The following GFPT2 variants were observed in gnomAD, a reference collection of about 807,000 sequenced individuals.
The protein encoded by GFPT2 is glutamine--fructose-6-phosphate aminotransferase [isomerizing] 2.
In GFPT2, 62 loss-of-function variants were observed where a neutral mutation model predicts 85.6. The ratio of observed to expected loss-of-function variants is 0.72; its 90% confidence interval spans 0.59 to 0.90. The LOEUF is 0.90. Ranked by LOEUF, GFPT2 falls within the 40% of genes least tolerant of loss-of-function variation. The pLI, the probability that GFPT2 is intolerant of heterozygous loss-of-function variation, is 0.00. For synonymous variants in GFPT2, 368 were observed against 344.5 expected (o/e 1.07, Z -0.75); for missense variants, 788 against 893.4 (o/e 0.88, Z 1.50).
In GFPT2 at chr5:180,328,573, C is replaced by T. The variant is rs916618381; in HGVS notation, c.535-235G>A. Among the ~76,000 whole-genome samples, 9 of 152,344 alleles carry T rather than the reference C, an allele frequency of 5.9e-5. No homozygotes were observed. The highest frequency in any genetic ancestry group is 1.9e-4 in the African/African-American group (8 of 41,578). On this transcript the variant is annotated intron_variant, in intron 6 of 18. Transcript: ENST00000253778. This position sits in a 1 kb window ranked among gnomAD's most constrained non-coding sequence, Gnocchi z 5.4. ...TGTGAATTCCACGGTGAGCGATGTG[C>T]GGCTTGCCCAGGCCCACAGGGAGCC...
intron 10 of GFPT2, among the ~76,000 whole-genome samples, chr5:180,317,551 A>G (rs1436004317): frequency 6.9e-6 from 1 of 145,286 alleles, no homozygotes; most frequent in East Asian, 1.9e-4. Flanking sequence ...CGAAGTCAGG[A>G]GATCGAGACC....
At chr5:180,312,246 G>A (rs1340905799) in intron 15 of GFPT2, among the ~76,000 whole-genome samples, 184 bp downstream of exon 15, 1 of 151,628 alleles carries the variant, frequency 6.6e-6, no homozygotes, top group Non-Finnish European at 1.5e-5. Flanking sequence ...AGCGCAGGGG[G>A]AGGTGGGGGC....
At chr5:180,316,282 G>A in intron 13 of GFPT2, 59 bp downstream of exon 13, 1 of 1,577,548 alleles carries the variant, frequency 6.3e-7, no homozygotes, top group Non-Finnish European at 8.7e-7. Flanking sequence ...TGAAGGAGAA[G>A]AGGAGAGAGC....
At chr5:180,305,516 T>C (rs1327268861) in intron 16 of GFPT2, among the ~76,000 whole-genome samples, 1 of 152,158 alleles carries the variant, frequency 6.6e-6, no homozygotes, top group Non-Finnish European at 1.5e-5. Context: ...AAATCATCTC[T>C]CGACTCCCCG....
chr5:180,313,860 C>T lies in GFPT2; in HGVS notation c.1378G>A (p.Asp460Asn), dbSNP rs745566290. Residue 460 changes from aspartate to asparagine, a missense_variant, in exon 14 of 19, where the codon GAC becomes AAC. Coordinates refer to ENST00000253778, the MANE Select transcript of GFPT2 (RefSeq NM_005110.4). ...CCTGCGTTGATGTGGACGCCGCAGT[C>T]GGTCTCGCGAGAGATGGAGCTGCCC... ...TVGSSISRET[D>N]CGVHINAGPE... 1.2e-6 allele frequency: 2 copies of T among 1,601,772 alleles called. No individual in the cohort carries two copies. Among genetic ancestry groups the T allele is most frequent in the East Asian group, 2.2e-5 (1 of 44,646 alleles).
At position 180,330,784 on chromosome 5, in the gene GFPT2, G is replaced by A; in HGVS notation, c.450C>T (p.Ala150=). The change falls in exon 6 of 19, where the codon GCC becomes GCT. Residue 150 remains alanine, a synonymous_variant. Coordinates refer to ENST00000253778, the MANE Select transcript of GFPT2 (RefSeq NM_005110.4). The surrounding 1 kb of genome is among the most constrained non-coding windows in gnomAD (Gnocchi z 4.4). ...FESETDTETI[A]KLIKYVFDNR... is the part of the protein sequence containing the mutation. ...TGTCGAACACATATTTAATCAGCTT[G>A]GCGATGGTCTCTGTATCTGTTTCTG... 1.2e-6 allele frequency: 2 copies of A among 1,612,698 alleles called. No individual in the cohort carries two copies. Among genetic ancestry groups the A allele is most frequent in the Non-Finnish European group, 1.7e-6 (2 of 1,178,714 alleles).
intron 5 of GFPT2, chr5:180,331,287 A>C (rs1764295213): frequency 1.7e-6 from 1 of 575,278 alleles, no homozygotes; most frequent in African/African-American, 1.9e-5. Context: ...CCCTTGAGAT[A>C]AACACTAATG....
intron 1 of GFPT2, 191 bp downstream of exon 1, chr5:180,353,020 G>T: frequency 2.5e-6 from 1 of 406,742 alleles, no homozygotes; most frequent in Non-Finnish European, 4.2e-6. Context: ...CCTCCGAGAC[G>T]GCCACTCGGG....
chr5:180,312,078 A>G (rs1391307864), intron 15 of GFPT2, among the ~76,000 whole-genome samples: 71 of 26,130 alleles, frequency 2.7e-3, no homozygotes, highest in East Asian at 3.3e-3. Context: ...GGGGAGGCTG[A>G]GGACCAGGGA....
chr5:180,332,070 G>A (rs1764312468), intron 4 of GFPT2, among the ~76,000 whole-genome samples: 1 of 152,126 alleles, frequency 6.6e-6, no homozygotes, highest in Non-Finnish European at 1.5e-5. Flanking sequence ...GGTTTCCTTG[G>A]GGGAAAAATC....
intron 1 of GFPT2, among the ~76,000 whole-genome samples, chr5:180,349,320 A>G (rs187299419): frequency 2.4e-3 from 360 of 152,240 alleles, no homozygotes; most frequent in Non-Finnish European, 4.0e-3. Flanking sequence ...AAATAAAAAT[A>G]AAATACCTAA....
chr5:180,307,087 G>T, intron 16 of GFPT2, 89 bp downstream of exon 16: 1 of 1,116,274 alleles, frequency 9.0e-7, no homozygotes, highest in Non-Finnish European at 1.3e-6. Context: ...CCCTCCCCAA[G>T]CCCAACGCCC....
Position 180,301,010 on chromosome 5 carries a change from G to A in GFPT2, c.*554C>T, listed in dbSNP as rs150315976. 6.5e-6 allele frequency: 1 copy of A among 153,754 alleles called. No homozygotes were observed. The allele number at this position is 153,754 out of a possible 1,614,324, so 9.5% of individuals were successfully genotyped here. On this transcript the variant is annotated 3_prime_UTR_variant, in exon 19 of 19. Transcript: ENST00000253778. Reference sequence around the variant, plus strand: ...CAGGAGGGGCTCCACGGATGTCAGAGAACAGGATTCAGGAGCAGCCTAGAG... The same window carrying A: ...CAGGAGGGGCTCCACGGATGTCAGAAAACAGGATTCAGGAGCAGCCTAGAG...
In GFPT2 at chr5:180,336,479, T is replaced by G; in HGVS notation, c.214A>C (p.Lys72Gln). Reference protein sequence around the residue: ...KVKALDEELYKQDSMDLKVEF... With the variant: ...KVKALDEELYQQDSMDLKVEF... ...TCCCACTCAGAGGTCCTCCACTTAC[T>G]GTAAAGTTCTTCATCGAGAGCCTTG... Residue 72 changes from lysine to glutamine, a missense_variant and splice_region_variant, in exon 3 of 19, where the codon AAA becomes CAA. Transcript: ENST00000253778. 6.4e-7 allele frequency: 1 copy of G among 1,560,224 alleles called. No homozygotes were observed. Among genetic ancestry groups the G allele is most frequent in the East Asian group, 2.2e-5 (1 of 44,624 alleles).
At chr5:180,313,387 C>T (rs1012020850) in intron 14 of GFPT2, among the ~76,000 whole-genome samples, 5 of 150,274 alleles carry the variant, frequency 3.3e-5, no homozygotes, top group African/African-American at 9.7e-5. Flanking sequence ...GTCAGGAGAT[C>T]GAGACCATCC....
chr5:180,307,285 A>C lies in GFPT2; in HGVS notation c.1565T>G (p.Leu522Arg). 6.2e-7 allele frequency: 1 copy of C among 1,613,988 alleles called. No homozygotes were observed. Among genetic ancestry groups the C allele is most frequent in the Non-Finnish European group, 8.5e-7 (1 of 1,179,894 alleles). ...RSLPELIKEV[L>R]SLEEKIHDLA... ...GTCGTGGATCTTCTCCTCCAGAGAC[A>C]GCACTTCCTTGATCAGCTCTGGGCC... The change falls in exon 16 of 19, where the codon CTG becomes CGG. Residue 522 changes from leucine (L) to arginine (R), a missense_variant. Coordinates refer to ENST00000253778, the MANE Select transcript of GFPT2 (RefSeq NM_005110.4).
chr5:180,339,596 G>C (rs1266889091), intron 1 of GFPT2, among the ~76,000 whole-genome samples: 1 of 152,164 alleles, frequency 6.6e-6, no homozygotes, highest in African/African-American at 2.4e-5. Context: ...TCCACTCCTT[G>C]TTTGTGATGA....
intron 13 of GFPT2, among the ~76,000 whole-genome samples, chr5:180,314,828 C>CTA (rs754234318): frequency 3.0e-4 from 46 of 152,190 alleles, no homozygotes; most frequent in Non-Finnish European, 5.9e-4. Context: ...TTTTCAATCT[C>CTA]ATTAAAGGGC....
chr5:180,312,909 T>C (rs954046777), intron 14 of GFPT2, among the ~76,000 whole-genome samples: 1 of 152,166 alleles, frequency 6.6e-6, no homozygotes, highest in Non-Finnish European at 1.5e-5. Flanking sequence ...CCCGAGTAGC[T>C]GGGATTACAG....
Sources: allele counts gnomAD v4.1 joint callset (sites outside exome capture counted in the v4.1 genomes callset), GRCh38; gene constraint gnomAD v4.1.1; non-coding constraint Gnocchi (gnomAD v3.1); transcripts MANE v1.5; gene names NCBI Gene and HGNC (gene_info 2026-07-23, HGNC 2026-07-21).